CCDC30: variants seen among roughly 807,000 people sequenced by gnomAD.
CCDC30 encodes coiled-coil domain containing 30.
A neutral mutation model predicts 100.2 loss-of-function variants in CCDC30; 70 were observed. The ratio of observed to expected loss-of-function variants is 0.70; its 90% CI spans 0.58 to 0.85. The LOEUF (loss-of-function observed/expected upper bound fraction) is 0.85, where lower values mean the gene tolerates loss of function less well. Among genes scored for constraint, CCDC30 ranks in the 40% least tolerant of loss-of-function variants. CCDC30 has a pLI of 0.00. For missense variants in CCDC30, 652 were observed against 771.2 expected, an observed-to-expected ratio of 0.85 and a Z score of 1.83; for synonymous variants, 233 against 269.5, an observed-to-expected ratio of 0.86 and a Z score of 1.33.
At chr1:42,642,419 A>T (rs1356161758) in intron 12 of CCDC30, 54 bp from the exon 17 acceptor site, 7 of 1,390,300 alleles carry the variant, frequency 5.0e-6, no homozygotes, top group Non-Finnish European at 6.6e-6. Context: ...TTATGCTCTT[A>T]AATTTATCAT....
intron 4 of CCDC30, among the ~76,000 whole-genome samples, chr1:42,496,757 ATT>A (rs1644238796): frequency 6.6e-6 from 1 of 152,126 alleles, no homozygotes; most frequent in African/African-American, 2.4e-5. Context: ...TTTTTTGGTC[ATT>A]TAACTTTTAA....
chr1:42,460,017 T>G (rs9787162), upstream of CCDC30: 554,735 of 1,462,504 alleles, frequency 0.38, 108,108 homozygotes, highest in East Asian at 0.54. Context: ...TATGGACAGA[T>G]AAAATGAAAG....
intron 6 of CCDC30, among the ~76,000 whole-genome samples, chr1:42,520,905 C>T (rs1457289006): frequency 2.6e-5 from 4 of 151,398 alleles, no homozygotes; most frequent in Admixed American, 2.0e-4. Context: ...CCTCAGCCTC[C>T]CAAAGTGCTG....
intron 9 of CCDC30, among the ~76,000 whole-genome samples, chr1:42,586,948 A>G (rs1037519497): frequency 6.6e-6 from 1 of 152,120 alleles, no homozygotes; most frequent in Non-Finnish European, 1.5e-5. Context: ...TATATCAATT[A>G]ACTTCTCGCA....
chr1:42,499,779 TC>T (rs1189831226), intron 6 of CCDC30, among the ~76,000 whole-genome samples: 1 of 127,686 alleles, frequency 7.8e-6, no homozygotes, highest in Non-Finnish European at 1.7e-5. Context: ...TGGCTTGTAT[TC>T]TTTTTTTTTT....
chr1:42,465,514 G>A (rs1643546959), intron 1 of CCDC30, among the ~76,000 whole-genome samples: 1 of 152,108 alleles, frequency 6.6e-6, no homozygotes, highest in Admixed American at 6.5e-5. Context: ...ATAGGCATGT[G>A]CCACCACACC....
intron 6 of CCDC30, among the ~76,000 whole-genome samples, chr1:42,516,874 TAGC>T (rs1442586418): frequency 6.6e-6 from 1 of 152,244 alleles, no homozygotes. Flanking sequence ...TTATTAATGT[TAGC>T]ATCTTTTGAG....
intron 6 of CCDC30, among the ~76,000 whole-genome samples, chr1:42,545,948 T>TTAATAA (rs56842129): frequency 0.46 from 68,453 of 148,308 alleles, 15,959 homozygotes; most frequent in South Asian, 0.59. Flanking sequence ...TGTTTCAAAA[T>TTAATAA]TAATAATAAT....
chr1:42,587,061 G>A (rs1008264776), intron 9 of CCDC30, among the ~76,000 whole-genome samples: 9 of 152,096 alleles, frequency 5.9e-5, no homozygotes, highest in African/African-American at 1.4e-4. Context: ...GCAGTAGTGC[G>A]ATCACAGTTC....
At chr1:42,556,197 A>T (rs141156656) in intron 6 of CCDC30, 37 of 1,613,880 alleles carry the variant, frequency 2.3e-5, no homozygotes, top group Non-Finnish European at 3.1e-5. Context: ...ATTCCAGAGG[A>T]GTCAGTAAAG....
rs141950194 is a variant in CCDC30 at position 42,527,929 on chromosome 1, G to A, written c.456+29013G>A. Reference sequence around the variant, plus strand: ...CACCAAGGCTGGAGTGCAATGGCGCGATACCGACTCACTGGAACCTCTGCC... The same window carrying A: ...CACCAAGGCTGGAGTGCAATGGCGCAATACCGACTCACTGGAACCTCTGCC... On this transcript the variant is annotated intron_variant, in intron 6 of 16. Transcript: ENST00000668663. 6.6e-3 allele frequency among the ~76,000 whole-genome samples: 1,004 copies of A among 151,552 alleles called. 15 individuals are homozygous for A. Among genetic ancestry groups the A allele is most frequent in the African/African-American group, 0.023 (964 of 41,270 alleles).
At chr1:42,646,255 C>T in exon 15 of CCDC30, 2 of 1,551,610 alleles carry the variant, frequency 1.3e-6, no homozygotes, top group Non-Finnish European at 1.7e-6. Context: ...CAATGCAGAA[C>T]TCCAGCATGA....
intron 6 of CCDC30, chr1:42,510,000 G>A: frequency 1.1e-6 from 1 of 929,660 alleles, no homozygotes; most frequent in Non-Finnish European, 1.3e-6. Context: ...CCAGTTTGGA[G>A]GAACATTATA....
At chr1:42,579,181 G>A (rs763486967) in intron 8 of CCDC30, among the ~76,000 whole-genome samples, 1 of 151,846 alleles carries the variant, frequency 6.6e-6, no homozygotes, top group African/African-American at 2.4e-5. Context: ...TAGTAGAGAC[G>A]GGGTTTCACC....
At chr1:42,638,559 CA>C (rs55773821) in intron 12 of CCDC30, among the ~76,000 whole-genome samples, 68,135 of 116,316 alleles carry the variant, frequency 0.59, 16,472 homozygotes, top group South Asian at 0.68. Context: ...CACCCATGGG[CA>C]AAAAAAAAAA....
intron 10 of CCDC30, among the ~76,000 whole-genome samples, chr1:42,607,167 C>T (rs1018112689): frequency 6.6e-6 from 1 of 152,154 alleles, no homozygotes. Context: ...GTGGAAGGAT[C>T]ACTTGAGACC....
chr1:42,572,896 G>A (rs897481365), intron 7 of CCDC30, among the ~76,000 whole-genome samples: 2 of 152,162 alleles, frequency 1.3e-5, no homozygotes, highest in Non-Finnish European at 2.9e-5. Flanking sequence ...GGGATTACAG[G>A]CGTGAGCCAC....
chr1:42,580,935 C>T, intron 8 of CCDC30: 1 of 450,870 alleles, frequency 2.2e-6, no homozygotes, highest in Non-Finnish European at 4.4e-6. Flanking sequence ...TTGGCATTAT[C>T]TATCAAACAA....
intron 6 of CCDC30, among the ~76,000 whole-genome samples, chr1:42,548,467 A>G (rs542793526): frequency 6.6e-6 from 1 of 152,286 alleles, no homozygotes; most frequent in South Asian, 2.1e-4. Context: ...TCTAAACTCT[A>G]TATTGGATTT....
Sources: gnomAD v4.1 joint callset for allele counts (sites outside exome capture counted in the v4.1 genomes callset) on GRCh38, gnomAD v4.1.1 for gene constraint, MANE v1.5 for transcripts, NCBI Gene and HGNC (gene_info 2026-07-23, HGNC 2026-07-21) for gene names.